GMPR: variants seen among roughly 807,000 people sequenced by gnomAD.
GMPR encodes the protein GMP reductase 1.
GMPR carries 31 observed loss-of-function variants against 38.4 expected under a neutral mutation model. The observed-to-expected ratio is 0.81, with a 90% CI of 0.61 to 1.09. GMPR has a LOEUF of 1.09. Ranked by LOEUF, GMPR falls within the 50% of genes least tolerant of loss-of-function variation. The pLI, the probability that GMPR is intolerant of heterozygous loss-of-function variation, is 0.00. For synonymous variants in GMPR, 162 were observed against 173.3 expected (o/e 0.93, Z 0.51); for missense variants, 468 against 453.7 (o/e 1.03, Z -0.29).
Position 16,246,895 on chromosome 6 carries a change from G to T in GMPR, c.141G>T (p.Gly47=), listed in dbSNP as rs1452855344. ...TFRNSKQTYS[G]IPIIVANMDT... ...GAAATTCAAAGCAGACCTACTCAGG[G>T]ATTCCCATCATCGTGGCCAACATGG... Residue 47 remains glycine (G), a synonymous_variant, in exon 2 of 9, where the codon GGG becomes GGT. Transcript: ENST00000259727. The T allele has an allele frequency of 1.9e-6, 3 of 1,613,628 alleles. No homozygotes were observed. The highest frequency in any genetic ancestry group is 2.5e-6 in the Non-Finnish European group (3 of 1,179,732).
At chr6:16,289,058 T>C (rs970410247) in intron 7 of GMPR, among the ~76,000 whole-genome samples, 1 of 152,222 alleles carries the variant, frequency 6.6e-6, no homozygotes, top group South Asian at 2.1e-4. Flanking sequence ...TGGCTCCTTT[T>C]CTTTGGGAGG....
At chr6:16,247,534 C>T (rs1009606689) in intron 2 of GMPR, among the ~76,000 whole-genome samples, 1 of 152,134 alleles carries the variant, frequency 6.6e-6, no homozygotes, top group Non-Finnish European at 1.5e-5. Context: ...GCCACCATGC[C>T]CAGCTAATTT....
At chr6:16,293,498 A>C (rs773126609) in intron 8 of GMPR, among the ~76,000 whole-genome samples, 16 of 152,208 alleles carry the variant, frequency 1.1e-4, no homozygotes, top group African/African-American at 3.6e-4. Context: ...CTGCCTGTTC[A>C]GCAACCAAGA....
Position 16,254,740 on chromosome 6 carries a change from GTACGGTAGAACAT to G in GMPR, c.465+20_465+32del, listed in dbSNP as rs760034935. ...TTTCCTGAACACACCATTATGGTAA[GTACGGTAGAACAT>G]TACGGTAGAACATTCTCAAGATGGG... is the stretch of plus-strand genomic sequence containing the variant. On this transcript the variant is annotated splice_donor_region_variant and intron_variant, in intron 4 of 8. Coordinates refer to ENST00000259727, the MANE Select transcript of GMPR (RefSeq NM_006877.4). The G allele has an allele frequency of 7.5e-6, 12 of 1,604,944 alleles. No individual in the cohort carries two copies. The highest frequency in any genetic ancestry group is 5.3e-5 in the African/African-American group (4 of 74,820).
chr6:16,286,637 G>A (rs940509105), intron 7 of GMPR, among the ~76,000 whole-genome samples: 1 of 152,004 alleles, frequency 6.6e-6, no homozygotes, highest in Non-Finnish European at 1.5e-5. Context: ...CAGGCTGGGT[G>A]CGGTGGCTCA....
At chr6:16,277,298 G>A (rs1278113514) in intron 5 of GMPR, among the ~76,000 whole-genome samples, 2 of 152,198 alleles carry the variant, frequency 1.3e-5, no homozygotes, top group East Asian at 3.8e-4. Context: ...CAGGCCTGGG[G>A]ACACAGACAT....
chr6:16,266,821 A>G (rs1381080099), intron 4 of GMPR, among the ~76,000 whole-genome samples: 2 of 151,564 alleles, frequency 1.3e-5, no homozygotes, highest in Non-Finnish European at 2.9e-5. Context: ...GAGCTGTAAC[A>G]CTCACTGTGA....
intron 2 of GMPR, among the ~76,000 whole-genome samples, chr6:16,248,308 A>G (rs73362612): frequency 6.7e-6 from 1 of 149,576 alleles, no homozygotes; most frequent in South Asian, 2.1e-4. Flanking sequence ...AAATAAAATT[A>G]AAAAAAAATT....
intron 1 of GMPR, among the ~76,000 whole-genome samples, chr6:16,246,323 G>C (rs963134007): frequency 1.3e-5 from 2 of 152,308 alleles, no homozygotes; most frequent in Non-Finnish European, 2.9e-5. Context: ...AGGAACATAT[G>C]GTTGCAATGT....
At chr6:16,245,072 C>T (rs1186073344) in intron 1 of GMPR, among the ~76,000 whole-genome samples, 1 of 152,124 alleles carries the variant, frequency 6.6e-6, no homozygotes, top group Non-Finnish European at 1.5e-5. Context: ...TCAAGCCTGC[C>T]AAGCCAAATG....
In GMPR at chr6:16,295,092, C is replaced by A; in HGVS notation, c.944C>A (p.Thr315Lys). ...GATATTCTCGGGGGACTGAGGTCCA[C>A]GTGCACCTACGTGGGGGCCGCCAAA... ...ILDILGGLRS[T>K]CTYVGAAKLK... The change falls in exon 9 of 9, where the codon ACG (threonine) becomes AAG (lysine). Residue 315 changes from threonine (T) to lysine (K), a missense_variant. Coordinates refer to ENST00000259727, the MANE Select transcript of GMPR (RefSeq NM_006877.4). 1 of 1,587,710 alleles carries A rather than the reference C, an allele frequency of 6.3e-7. No homozygotes were observed. The highest frequency in any genetic ancestry group is 1.4e-5 in the African/African-American group (1 of 72,314).
Position 16,267,760 on chromosome 6 carries a change from T to A in GMPR, c.466-6655T>A, listed in dbSNP as rs565936430. ...ATGCTTTTGTGCTGGTGGCTCTTTC[T>A]GATCTGGTCTGGAGGAAATAGGTGC... On this transcript the variant is annotated intron_variant, in intron 4 of 8. Transcript: ENST00000259727. 2.6e-5 allele frequency among the ~76,000 whole-genome samples: 4 copies of A among 152,306 alleles called. No individual in the cohort carries two copies. In the South Asian group the frequency reaches 6.2e-4, roughly 24 times the overall value.
chr6:16,284,381 G>C (rs1759635956), intron 6 of GMPR, among the ~76,000 whole-genome samples: 1 of 152,220 alleles, frequency 6.6e-6, no homozygotes, highest in South Asian at 2.1e-4. Flanking sequence ...TCCAACTCCA[G>C]AGGTGTGTGC....
intron 4 of GMPR, among the ~76,000 whole-genome samples, chr6:16,261,697 C>T (rs564292660): frequency 2.0e-5 from 3 of 152,078 alleles, no homozygotes; most frequent in Non-Finnish European, 2.9e-5. Context: ...CGAGTGATAA[C>T]AGGCTTTAAT....
chr6:16,244,115 G>A (rs909238087), intron 1 of GMPR, among the ~76,000 whole-genome samples: 35 of 151,896 alleles, frequency 2.3e-4, no homozygotes, highest in African/African-American at 8.2e-4. Context: ...TTTTTTTCAG[G>A]GTAGGAGGTT....
intron 4 of GMPR, among the ~76,000 whole-genome samples, chr6:16,268,727 T>C (rs965381093): frequency 6.6e-6 from 1 of 152,130 alleles, no homozygotes; most frequent in Non-Finnish European, 1.5e-5. Context: ...CAGTAAAAAG[T>C]GGTTACTGTT....
chr6:16,266,104 CT>C (rs1759205778), intron 4 of GMPR, among the ~76,000 whole-genome samples: 1 of 59,564 alleles, frequency 1.7e-5, no homozygotes, highest in Non-Finnish European at 3.6e-5. Flanking sequence ...AGCTGTAACA[CT>C]TGCCATCTTT....
intron 2 of GMPR, 125 bp from the exon 3 acceptor site, chr6:16,250,159 G>A: frequency 1.4e-6 from 1 of 693,930 alleles, no homozygotes. Flanking sequence ...CACATTCAAA[G>A]CAAATTAAGC....
chr6:16,258,060 C>T (rs369892754), intron 4 of GMPR: 2 of 152,192 alleles, frequency 1.3e-5, no homozygotes, highest in African/African-American at 4.8e-5. Context: ...GAGAATGACT[C>T]GGGCTCAGAT....
Sources: gnomAD v4.1 joint callset for allele counts (sites outside exome capture counted in the v4.1 genomes callset) on GRCh38, gnomAD v4.1.1 for gene constraint, MANE v1.5 for transcripts, NCBI Gene and HGNC (gene_info 2026-07-23, HGNC 2026-07-21) for gene names.